HDGFL3: variants seen among roughly 807,000 people sequenced by gnomAD.
HDGFL3 encodes HDGF like 3.
In HDGFL3, 6 loss-of-function variants were observed where a neutral mutation model predicts 27.6. The ratio of observed to expected loss-of-function variants is 0.22; its 90% CI spans 0.12 to 0.43. HDGFL3 has a LOEUF of 0.43. HDGFL3 is among the 20% of genes least tolerant of loss of function. HDGFL3 has a pLI of 1.00. For synonymous variants in HDGFL3, 88 were observed against 88.9 expected (o/e 0.99, Z 0.05); for missense variants, 207 against 250.1 (o/e 0.83, Z 1.16).
In HDGFL3 at chr15:83,138,535, T is replaced by TA. The variant is rs1345509699; in HGVS notation, c.*734dup. The stretch of plus-strand genomic sequence containing the variant: ...ATAGGGCTGTTGCTGATTCCAGCTT[T>TA]AAAATGTAAAGTATCCACCTTGAGT... On this transcript the variant is annotated 3_prime_UTR_variant, in exon 6 of 6. Coordinates refer to ENST00000299633, the MANE Select transcript of HDGFL3 (RefSeq NM_016073.4). 1 of 152,606 alleles carries TA rather than the reference T, an allele frequency of 6.6e-6. No individual in the cohort carries two copies. Among genetic ancestry groups the TA allele is most frequent in the Non-Finnish European group, 1.5e-5 (1 of 68,000 alleles). 9.5% of individuals were successfully genotyped at this position (152,606 alleles called of 1,614,324 possible). A position where few individuals can be genotyped will look rare whatever the true frequency, so the allele number is the denominator to read the frequency against.
chr15:83,193,037 A>G (rs983426210), intron 1 of HDGFL3, among the ~76,000 whole-genome samples: 1 of 152,168 alleles, frequency 6.6e-6, no homozygotes, highest in Non-Finnish European at 1.5e-5. Flanking sequence ...CCTTTACCAC[A>G]TATGGACTTC....
At chr15:83,113,184 A>C in exon 4 of HDGFL3, 1 of 481,846 alleles carries the variant, frequency 2.1e-6, no homozygotes, top group Non-Finnish European at 3.8e-6. Context: ...TCTGACCTCG[A>C]CTCTCATGCT....
chr15:83,123,934 T>C (rs529875473), downstream of HDGFL3, among the ~76,000 whole-genome samples: 20 of 151,598 alleles, frequency 1.3e-4, no homozygotes, highest in African/African-American at 4.6e-4. Flanking sequence ...GCAAAGCAAT[T>C]TGGCAATGTT....
chr15:83,180,098 A>G (rs950768455), intron 1 of HDGFL3, among the ~76,000 whole-genome samples: 4 of 151,978 alleles, frequency 2.6e-5, no homozygotes, highest in Admixed American at 2.6e-4. Context: ...TTATTTCAGG[A>G]TTCAATAGTG....
chr15:83,157,585 T>A lies in HDGFL3; in HGVS notation c.301-12A>T, dbSNP rs374366894. On this transcript the variant is annotated splice_polypyrimidine_tract_variant and intron_variant, in intron 3 of 5. Transcript: ENST00000299633. Reference sequence around the variant, plus strand: ...TGTTGCTGAATTGCCTAAGAAATAATAAAATATTAGCTGATTACATTTTTG... The same window carrying A: ...TGTTGCTGAATTGCCTAAGAAATAAAAAAATATTAGCTGATTACATTTTTG... 304 of 1,604,362 alleles carry A rather than the reference T, an allele frequency of 1.9e-4. No individual in the cohort carries two copies. Among genetic ancestry groups the A allele is most frequent in the Non-Finnish European group, 2.5e-4 (299 of 1,175,318 alleles).
chr15:83,197,724 G>A (rs1231850866), intron 1 of HDGFL3, among the ~76,000 whole-genome samples: 1 of 152,106 alleles, frequency 6.6e-6, no homozygotes, highest in Non-Finnish European at 1.5e-5. Context: ...GTCAAACACT[G>A]TATATAACTC....
At chr15:83,199,659 G>A (rs1051803031) in intron 1 of HDGFL3, among the ~76,000 whole-genome samples, 16 of 152,130 alleles carry the variant, frequency 1.1e-4, no homozygotes, top group African/African-American at 3.6e-4. Flanking sequence ...CAAATGAGAA[G>A]AATAGTTTAT....
At chr15:83,185,188 T>G (rs1335099026) in intron 1 of HDGFL3, 1 of 152,298 alleles carries the variant, frequency 6.6e-6, no homozygotes, top group Non-Finnish European at 1.5e-5. Flanking sequence ...CACGCCCAGC[T>G]AACTTTTGTA....
At chr15:83,112,782 T>A in exon 4 of HDGFL3, 2 of 1,593,790 alleles carry the variant, frequency 1.3e-6, no homozygotes, top group Non-Finnish European at 1.7e-6. Context: ...CACCTCCCTG[T>A]TCTGGTCGTT....
intron 1 of HDGFL3, among the ~76,000 whole-genome samples, chr15:83,186,673 T>C (rs2037446894): frequency 6.6e-6 from 1 of 151,942 alleles, no homozygotes; most frequent in South Asian, 2.1e-4. Context: ...GAGTGAGAGC[T>C]AAACTATGAG....
In HDGFL3 at chr15:83,128,294, T is replaced by C. The variant is rs1028564707; in HGVS notation, c.*10976A>G. On this transcript the variant is annotated 3_prime_UTR_variant, in exon 6 of 6. Coordinates refer to ENST00000299633, the MANE Select transcript of HDGFL3 (RefSeq NM_016073.4). Reference sequence around the variant, plus strand: ...CTAGAATTCACACGGTTGAAAAATATAGTATTTAAGGGGTCAATGCATTAA... The same window carrying C: ...CTAGAATTCACACGGTTGAAAAATACAGTATTTAAGGGGTCAATGCATTAA... 2.0e-5 allele frequency: 3 copies of C among 152,324 alleles called. No homozygotes were observed. Among genetic ancestry groups the C allele is most frequent in the African/African-American group, 4.8e-5 (2 of 41,562 alleles). The allele number at this position is 152,324 out of a possible 1,614,324, so 9.4% of individuals were successfully genotyped here. A position where few individuals can be genotyped will look rare whatever the true frequency, so the allele number is the denominator to read the frequency against.
intron 2 of HDGFL3, 142 bp downstream of exon 2, chr15:83,163,857 C>A: frequency 1.6e-6 from 1 of 616,392 alleles, no homozygotes; most frequent in South Asian, 2.0e-5. Flanking sequence ...TTTACATTAA[C>A]AAAAATACAT....
rs964000980 is a variant in HDGFL3, at chr15:83,133,094, G to A, written c.*6176C>T. 1.3e-5 allele frequency: 2 copies of A among 152,210 alleles called. No individual in the cohort carries two copies. The highest frequency in any genetic ancestry group is 1.9e-4 in the East Asian group (1 of 5,196). 9.4% of individuals were successfully genotyped at this position (152,210 alleles called of 1,614,324 possible). A position where few individuals can be genotyped will look rare whatever the true frequency, so the allele number is the denominator to read the frequency against. On this transcript the variant is annotated 3_prime_UTR_variant, in exon 6 of 6. Transcript: ENST00000299633. ...CTGAACCCTCATAACAACCTATGAG[G>A]TGGGTTCCACACCTCACCCGAGGCC...
intron 1 of HDGFL3, among the ~76,000 whole-genome samples, chr15:83,203,712 A>T (rs567079303): frequency 6.6e-6 from 1 of 151,988 alleles, no homozygotes; most frequent in Non-Finnish European, 1.5e-5. Context: ...ATAAGTAATA[A>T]TAAGTATTAT....
At chr15:83,160,024 G>A (rs1052795173) in intron 2 of HDGFL3, among the ~76,000 whole-genome samples, 1 of 152,208 alleles carries the variant, frequency 6.6e-6, no homozygotes, top group Non-Finnish European at 1.5e-5. Flanking sequence ...AGACTAATTA[G>A]AAGGCTTCTG....
chr15:83,206,639 G>A (rs1052612215), intron 1 of HDGFL3, among the ~76,000 whole-genome samples: 1 of 152,188 alleles, frequency 6.6e-6, no homozygotes, highest in African/African-American at 2.4e-5. Flanking sequence ...AAATATGGAG[G>A]TGGAAAGGCA....
At chr15:83,202,419 TA>T (rs1158787226) in intron 1 of HDGFL3, among the ~76,000 whole-genome samples, 40 of 152,018 alleles carry the variant, frequency 2.6e-4, no homozygotes. Context: ...CTGATGCAGG[TA>T]AACAAACCAG....
chr15:83,130,956 T>C lies in HDGFL3; in HGVS notation c.*8314A>G. 1 of 152,072 alleles carries C rather than the reference T, an allele frequency of 6.6e-6. No individual in the cohort carries two copies. The highest frequency in any genetic ancestry group is 2.0e-4 in the East Asian group (1 of 5,126). 9.4% of individuals were successfully genotyped at this position (152,072 alleles called of 1,614,324 possible). On this transcript the variant is annotated 3_prime_UTR_variant, in exon 6 of 6. Coordinates refer to ENST00000299633, the MANE Select transcript of HDGFL3 (RefSeq NM_016073.4). Reference sequence around the variant, plus strand: ...AAATACAAAAATTAGGCTGGCGTGATGGCATATGCCTGCAGTCCCAGCTAC... The same window carrying C: ...AAATACAAAAATTAGGCTGGCGTGACGGCATATGCCTGCAGTCCCAGCTAC...
At chr15:83,160,174 T>G (rs1028324041) in intron 2 of HDGFL3, among the ~76,000 whole-genome samples, 1 of 151,836 alleles carries the variant, frequency 6.6e-6, no homozygotes, top group Non-Finnish European at 1.5e-5. Context: ...GGTAGAGGAG[T>G]TGAGGATATC....
Sources: gnomAD v4.1 joint callset for allele counts (sites outside exome capture counted in the v4.1 genomes callset) on GRCh38, gnomAD v4.1.1 for gene constraint, MANE v1.5 for transcripts, NCBI Gene and HGNC (gene_info 2026-07-23, HGNC 2026-07-21) for gene names.